The following ZDHHC24 variants were observed in gnomAD, a reference collection of about 807,000 sequenced individuals.
ZDHHC24 encodes zDHHC palmitoyltransferase 24, also known as probable palmitoyltransferase ZDHHC24.
A neutral mutation model predicts 23.2 loss-of-function variants in ZDHHC24; 17 were observed. The ratio of observed to expected loss-of-function variants is 0.73; its 90% confidence interval spans 0.50 to 1.10. ZDHHC24 has a LOEUF of 1.10. Ranked by LOEUF, ZDHHC24 falls within the 50% of genes least tolerant of loss-of-function variation. ZDHHC24 has a pLI of 0.00. For missense variants in ZDHHC24, 366 were observed against 393.0 expected (o/e 0.93, Z 0.58); for synonymous variants, 186 against 194.5 (o/e 0.96, Z 0.36).
Position 66,545,663 on chromosome 11 carries a change from G to A in ZDHHC24, c.281+60C>T. The A allele has an allele frequency of 7.0e-7, 1 of 1,420,686 alleles. No individual in the cohort carries two copies. The allele number at this position is 1,420,686 out of a possible 1,614,324, so 88.0% of individuals were successfully genotyped here. A position where few individuals can be genotyped will look rare whatever the true frequency, so the allele number is the denominator to read the frequency against. On this transcript the variant is annotated intron_variant, in intron 1 of 2. Transcript: ENST00000310442. This position sits in a 1 kb window ranked among gnomAD's most constrained non-coding sequence, Gnocchi z 4.5. ...CCGGTTCTAACATCTCAGGTCTTGGGGCCCCTCCCCCCTGTCCAAGGCTCC... is the reference window on the plus strand; with the variant it reads ...CCGGTTCTAACATCTCAGGTCTTGGAGCCCCTCCCCCCTGTCCAAGGCTCC...
At chr11:66,540,085 G>A (rs909430312) in intron 2 of ZDHHC24, among the ~76,000 whole-genome samples, 1 of 152,204 alleles carries the variant, frequency 6.6e-6, no homozygotes, top group African/African-American at 2.4e-5. Context: ...CCAGGCACTA[G>A]AGGGTGTCTC....
At chr11:66,531,089 A>G (rs571138679), downstream of ZDHHC24, 5 of 1,603,548 alleles carry the variant, frequency 3.1e-6, no homozygotes, top group Non-Finnish European at 4.3e-6. Context: ...GCCTGATGAG[A>G]TGCCCACAGA....
chr11:66,530,842 G>A (rs374542119), downstream of ZDHHC24: 29 of 1,613,314 alleles, frequency 1.8e-5, no homozygotes, highest in Middle Eastern at 1.6e-4. Flanking sequence ...ACTGTACTCC[G>A]TGCCCAAGGC....
intron 4 of ZDHHC24, among the ~76,000 whole-genome samples, chr11:66,525,044 C>CA (rs1184545288): frequency 6.6e-6 from 1 of 151,930 alleles, no homozygotes; most frequent in African/African-American, 2.4e-5. Flanking sequence ...ACTAAAAATA[C>CA]AAAAAATTAG....
intron 4 of ZDHHC24, chr11:66,526,290 G>T: frequency 8.0e-7 from 1 of 1,248,042 alleles, no homozygotes; most frequent in East Asian, 2.4e-5. Context: ...AAGCATGGGT[G>T]GACCTGGGTG....
chr11:66,543,864 G>A lies in ZDHHC24; in HGVS notation c.399C>T (p.Phe133=), dbSNP rs1020043151. 14 of 1,613,784 alleles carry A rather than the reference G, an allele frequency of 8.7e-6. No individual in the cohort carries two copies. Among genetic ancestry groups the A allele is most frequent in the African/African-American group, 5.3e-5 (4 of 74,934 alleles). The part of the protein sequence containing the change: ...HCRLLGRCVG[F]GNYRPFLCLL... Reference sequence around the variant, plus strand: ...GGCACAGGAAGGGCCGGTAGTTGCCGAAGCCCACGCAGCGGCCCAGCAGGC... The same window carrying A: ...GGCACAGGAAGGGCCGGTAGTTGCCAAAGCCCACGCAGCGGCCCAGCAGGC... Residue 133 remains phenylalanine (F), a synonymous_variant, in exon 2 of 3, where the codon TTC becomes TTT. Coordinates refer to ENST00000310442, the MANE Select transcript of ZDHHC24 (RefSeq NM_207340.3).
At chr11:66,535,147 C>G (rs1856922214), downstream of ZDHHC24, among the ~76,000 whole-genome samples, 1 of 152,178 alleles carries the variant, frequency 6.6e-6, no homozygotes, top group Non-Finnish European at 1.5e-5. Context: ...CCTGCCTCAG[C>G]CTCCCAAAGT....
downstream of ZDHHC24, chr11:66,533,541 A>G (rs895200431): frequency 2.0e-5 from 3 of 152,264 alleles, no homozygotes; most frequent in African/African-American, 7.2e-5. Context: ...TTCTATTACT[A>G]TGTGAAAGTT....
chr11:66,532,040 C>T, downstream of ZDHHC24: 1 of 1,600,540 alleles, frequency 6.2e-7, no homozygotes, highest in South Asian at 1.1e-5. Context: ...CCGCCTGAGA[C>T]CTGAGCTGCT....
At chr11:66,542,583 G>A (rs528996697) in intron 2 of ZDHHC24, 1 of 153,166 alleles carries the variant, frequency 6.5e-6, no homozygotes, top group East Asian at 1.9e-4. Flanking sequence ...CTCATTTTTG[G>A]ATTCTGACCA....
chr11:66,542,187 TG>T (rs1857170535), intron 2 of ZDHHC24, among the ~76,000 whole-genome samples: 3 of 152,042 alleles, frequency 2.0e-5, no homozygotes, highest in Admixed American at 2.0e-4. Flanking sequence ...CTGCTGTTGC[TG>T]GGAGTAGCAA....
At chr11:66,528,308 A>T (rs1441432868) in intron 3 of ZDHHC24, among the ~76,000 whole-genome samples, 1 of 152,234 alleles carries the variant, frequency 6.6e-6, no homozygotes, top group Non-Finnish European at 1.5e-5. Context: ...AAGTGGAGAG[A>T]GTTACCAAGT....
In ZDHHC24 at chr11:66,539,795, C is replaced by G; in HGVS notation, c.589G>C (p.Ala197Pro). 1 of 1,610,344 alleles carries G rather than the reference C, an allele frequency of 6.2e-7. No individual in the cohort carries two copies. Among genetic ancestry groups the G allele is most frequent in the South Asian group, 1.1e-5 (1 of 90,786 alleles). Residue 197 changes from alanine to proline, a missense_variant, in exon 3 of 3, where the codon GCC becomes CCC. Coordinates refer to ENST00000310442, the MANE Select transcript of ZDHHC24 (RefSeq NM_207340.3). ...GCCACGCACGTGTCCGTCACGAAGGCCAAGGCAAACTGTGCCAGAGACACT... is the reference window on the plus strand; with the variant it reads ...GCCACGCACGTGTCCGTCACGAAGGGCAAGGCAAACTGTGCCAGAGACACT... ...GRVSLAQFAL[A>P]FVTDTCVAGA...
At chr11:66,523,401 C>T in intron 4 of ZDHHC24, 1 of 1,613,694 alleles carries the variant, frequency 6.2e-7, no homozygotes, top group Non-Finnish European at 8.5e-7. Context: ...GAGGGTCAGC[C>T]ATAGAAGTGG....
At chr11:66,523,597 C>T (rs1170348088) in intron 4 of ZDHHC24, 29 of 1,613,868 alleles carry the variant, frequency 1.8e-5, no homozygotes, top group Non-Finnish European at 2.4e-5. Context: ...CAGCAAGCAG[C>T]AGCCCCTCCA....
intron 4 of ZDHHC24, among the ~76,000 whole-genome samples, chr11:66,522,194 G>A (rs1856267680): frequency 6.6e-6 from 1 of 150,634 alleles, no homozygotes; most frequent in African/African-American, 2.4e-5. Context: ...TCCAGCCTGG[G>A]CACAGAGCGA....
At position 66,545,161 on chromosome 11, in the gene ZDHHC24, T is replaced by C. The variant is rs1857273614; in HGVS notation, c.281+562A>G. On this transcript the variant is annotated intron_variant, in intron 1 of 2. Coordinates refer to ENST00000310442, the MANE Select transcript of ZDHHC24 (RefSeq NM_207340.3). The surrounding 1 kb of genome is among the most constrained non-coding windows in gnomAD (Gnocchi z 4.5). ...TTCAAACAATTCTCTTGCCTCAGCC[T>C]CCCCAGTAGCTGAGATTACAGGCAC... is the stretch of plus-strand genomic sequence containing the variant. 1.3e-5 allele frequency among the ~76,000 whole-genome samples: 2 copies of C among 152,118 alleles called. No individual in the cohort carries two copies.
chr11:66,539,590 G>A lies in ZDHHC24; in HGVS notation c.794C>T (p.Pro265Leu). 1 of 1,611,768 alleles carries A rather than the reference G, an allele frequency of 6.2e-7. No homozygotes were observed. The highest frequency in any genetic ancestry group is 8.5e-7 in the Non-Finnish European group (1 of 1,178,914). Residue 265 changes from proline to leucine, a missense_variant, in exon 3 of 3, where the codon CCA (proline) becomes CTA (leucine). Transcript: ENST00000310442. ...LVWLWPFLAS[P>L]LPGDGITFQT... is the part of the protein sequence containing the mutation. ...GAAGGTGATCCCATCCCCAGGCAAT[G>A]GGGAGGCCAGGAAGGGCCAGAGCCA...
intron 3 of ZDHHC24, chr11:66,528,941 C>T: frequency 2.2e-6 from 1 of 459,270 alleles, no homozygotes; most frequent in Non-Finnish European, 2.7e-6. Flanking sequence ...GCACTCCAGC[C>T]TGGGTAACAA....
Sources: gnomAD v4.1 joint callset for allele counts (sites outside exome capture counted in the v4.1 genomes callset) on GRCh38, gnomAD v4.1.1 for gene constraint, Gnocchi (gnomAD v3.1) non-coding constraint, MANE v1.5 for transcripts, NCBI Gene and HGNC (gene_info 2026-07-23, HGNC 2026-07-21) for gene names.